Variants in CASTOR2 observed in about 807,000 individuals in gnomAD.
The protein encoded by CASTOR2 is GATS protein like 2.
A neutral mutation model predicts 31.2 loss-of-function variants in CASTOR2; 8 were observed. That is an observed-to-expected ratio of 0.26 (90% confidence interval 0.15 to 0.46). The LOEUF (loss-of-function observed/expected upper bound fraction) is 0.46, where lower values mean the gene tolerates loss of function less well. CASTOR2 is among the 20% of genes least tolerant of loss of function. CASTOR2 has a pLI of 0.99. For synonymous variants in CASTOR2, 162 were observed against 158.7 expected (o/e 1.02, Z -0.16); for missense variants, 216 against 382.1 (o/e 0.57, Z 3.62).
At chr7:74,989,263 CTTT>C (rs34799228) in intron 1 of CASTOR2, among the ~76,000 whole-genome samples, 134 of 145,184 alleles carry the variant, frequency 9.2e-4, no homozygotes, top group Middle Eastern at 3.6e-3. Context: ...CACGCCTGGC[CTTT>C]TTTTTTTTTT....
intron 1 of CASTOR2, among the ~76,000 whole-genome samples, chr7:74,985,292 A>G (rs1804035784): frequency 6.6e-6 from 1 of 151,922 alleles, no homozygotes; most frequent in East Asian, 1.9e-4. Context: ...CCCTTTCAAG[A>G]GTCACTGTCA....
chr7:75,009,555 A>AC (rs1554439144), intron 2 of CASTOR2, among the ~76,000 whole-genome samples: 1 of 151,966 alleles, frequency 6.6e-6, no homozygotes, highest in Non-Finnish European at 1.5e-5. Context: ...GGCGTGAGCC[A>AC]CCGCGCCCGG....
intron 1 of CASTOR2, among the ~76,000 whole-genome samples, chr7:74,997,737 GT>G (rs1249196075): frequency 6.7e-4 from 95 of 142,450 alleles, no homozygotes; most frequent in African/African-American, 9.7e-4. Flanking sequence ...AGGTGTTTTT[GT>G]TTTTTTTTTT....
In CASTOR2 at chr7:75,024,495, A is replaced by C; in HGVS notation, c.885A>C (p.Pro295=). 1 of 1,551,514 alleles carries C rather than the reference A, an allele frequency of 6.4e-7. No individual in the cohort carries two copies. The highest frequency in any genetic ancestry group is 1.2e-5 in the South Asian group (1 of 84,056). The change falls in exon 8 of 9, where the codon CCA becomes CCC. Residue 295 remains proline, a synonymous_variant. Transcript: ENST00000616305. ...AGCCCTTGGCTGCTGCAGACATCCC[A>C]GCCTACTACATCAGTACTTTCAAGT... ...ISEPLAAADI[P]AYYISTFKFD...
intron 1 of CASTOR2, among the ~76,000 whole-genome samples, chr7:74,999,773 A>G (rs1804450748): frequency 6.6e-6 from 1 of 151,904 alleles, no homozygotes; most frequent in East Asian, 1.9e-4. Flanking sequence ...GCACACCACC[A>G]TGCCCAGCTA....
chr7:75,019,892 T>G (rs919288769), intron 5 of CASTOR2, 147 bp from the exon 6 acceptor site: 3 of 691,792 alleles, frequency 4.3e-6, no homozygotes, highest in Non-Finnish European at 2.5e-6. Flanking sequence ...ATCATCCCCG[T>G]GGCATAGCGA....
rs1804452574 is a variant in CASTOR2, at chr7:74,999,851, G to C, written c.114-8143G>C. Among the ~76,000 whole-genome samples, 4 of 152,090 alleles carry C rather than the reference G, an allele frequency of 2.6e-5. No homozygotes were observed. In the South Asian group the frequency reaches 8.3e-4, roughly 32 times the overall value. On this transcript the variant is annotated intron_variant, in intron 1 of 8. Coordinates refer to ENST00000616305, the MANE Select transcript of CASTOR2 (RefSeq NM_001145064.3). ...GATGGTCTTGATCTCTTGACCTTGT[G>C]ATCCGCCTGCCTTGGCCTTCCAAAG...
chr7:75,017,441 CTG>C (rs1348047294), intron 2 of CASTOR2, among the ~76,000 whole-genome samples, 155 bp from the exon 3 acceptor site: 1 of 152,082 alleles, frequency 6.6e-6, no homozygotes, highest in Non-Finnish European at 1.5e-5. Context: ...CAGAGCAAGA[CTG>C]TCTCAAAAAA....
At chr7:75,005,903 G>A (rs1166306882) in intron 1 of CASTOR2, among the ~76,000 whole-genome samples, 22 of 152,336 alleles carry the variant, frequency 1.4e-4, no homozygotes, top group African/African-American at 4.8e-4. Flanking sequence ...GCTGAGGCGG[G>A]TGGATCACTT....
Position 74,988,198 on chromosome 7 carries a change from C to T in CASTOR2, c.114-19796C>T, listed in dbSNP as rs1303247281. Among the ~76,000 whole-genome samples, 9 of 125,960 alleles carry T rather than the reference C, an allele frequency of 7.1e-5. No homozygotes were observed. The South Asian group carries it at 2.0e-3, about 28-fold the overall frequency. The allele number at this position is 125,960 out of a possible 152,430, so 82.6% of individuals were successfully genotyped here. A position where few individuals can be genotyped will look rare whatever the true frequency, so the allele number is the denominator to read the frequency against. On this transcript the variant is annotated intron_variant, in intron 1 of 8. Transcript: ENST00000616305. ...AGGCTGGAGTTCAGTGGTGCCATCT[C>T]GGATCACTGCAATCTCTGCCTCCCG...
At chr7:74,988,062 T>G (rs35525401) in intron 1 of CASTOR2, among the ~76,000 whole-genome samples, 115,040 of 150,336 alleles carry the variant, frequency 0.77, 44,265 homozygotes, top group East Asian at 0.93. Context: ...GTTCTCACTC[T>G]TGGCCTCTGG....
intron 7 of CASTOR2, among the ~76,000 whole-genome samples, chr7:75,022,960 C>T (rs1805039870): frequency 6.6e-6 from 1 of 152,180 alleles, no homozygotes; most frequent in South Asian, 2.1e-4. Context: ...TGTCACATAT[C>T]TCCCAGAGAG....
Position 74,994,303 on chromosome 7 carries a change from G to A in CASTOR2, c.114-13691G>A, listed in dbSNP as rs587651092. 4.6e-5 allele frequency among the ~76,000 whole-genome samples: 7 copies of A among 152,312 alleles called. No individual in the cohort carries two copies. In the East Asian group the frequency reaches 1.2e-3, roughly 25 times the overall value. Reference sequence around the variant, plus strand: ...CTGGTGTGCAATTCTCTTTCACCCCGTCAGGGTGAGGGCACATGTCAACAA... The same window carrying A: ...CTGGTGTGCAATTCTCTTTCACCCCATCAGGGTGAGGGCACATGTCAACAA... On this transcript the variant is annotated intron_variant, in intron 1 of 8. Transcript: ENST00000616305.
At chr7:74,997,136 C>T (rs1296559075) in intron 1 of CASTOR2, among the ~76,000 whole-genome samples, 5 of 152,010 alleles carry the variant, frequency 3.3e-5, no homozygotes, top group Non-Finnish European at 1.5e-5. Flanking sequence ...TCACTGCAGC[C>T]TCGACCTCCT....
At position 74,966,766 on chromosome 7, in the gene CASTOR2, C is replaced by G. The variant is rs1803578740; in HGVS notation, c.113+1668C>G. 3.8e-5 allele frequency among the ~76,000 whole-genome samples: 2 copies of G among 52,120 alleles called. 1 individual carries two copies. Among genetic ancestry groups the G allele is most frequent in the Non-Finnish European group, 1.2e-4 (2 of 16,942 alleles). The allele number at this position is 52,120 out of a possible 152,430, so 34.2% of individuals were successfully genotyped here. The stretch of plus-strand genomic sequence containing the variant: ...TGCGGCTGTGCACAGGGCCTGGGTG[C>G]TGGAAGCGGGGGCATTTGGGGGCTT... On this transcript the variant is annotated intron_variant, in intron 1 of 8. Transcript: ENST00000616305.
rs1475888641 is a variant in CASTOR2 at position 75,030,717 on chromosome 7, AAC to A, written c.*6019_*6020del. On this transcript the variant is annotated 3_prime_UTR_variant, in exon 9 of 9. Coordinates refer to ENST00000616305, the MANE Select transcript of CASTOR2 (RefSeq NM_001145064.3). ...GATTCAAGGGCCCAGGGTAAAAGCC[AAC>A]GTGTTATTTTTATCCCTAGCCTCAG... Among the ~76,000 whole-genome samples, 14 of 152,144 alleles carry A rather than the reference AAC, an allele frequency of 9.2e-5. No homozygotes were observed. The East Asian group carries it at 2.7e-3, about 29-fold the overall frequency.
In CASTOR2 at chr7:74,984,441, C is replaced by A. The variant is rs1378915307; in HGVS notation, c.113+19343C>A. On this transcript the variant is annotated intron_variant, in intron 1 of 8. Coordinates refer to ENST00000616305, the MANE Select transcript of CASTOR2 (RefSeq NM_001145064.3). ...CTCGCCATGTGACCTACATGGGGTG[C>A]TCTCAGTAGAAATTGGGACCTGCCA... Among the ~76,000 whole-genome samples the A allele has an allele frequency of 7.0e-4, 106 of 152,248 alleles. 1 individual carries two copies. In the East Asian group the frequency reaches 0.014, roughly 20 times the overall value.
chr7:74,967,724 G>A (rs1284782586), intron 1 of CASTOR2, among the ~76,000 whole-genome samples: 1 of 61,498 alleles, frequency 1.6e-5, no homozygotes, highest in African/African-American at 6.7e-5. Context: ...GTGTGGAGAC[G>A]GGGCTTCTCC....
At chr7:75,020,650 T>C (rs926208567) in intron 6 of CASTOR2, among the ~76,000 whole-genome samples, 16 of 151,262 alleles carry the variant, frequency 1.1e-4, no homozygotes, top group Admixed American at 2.6e-4. Context: ...CCACCACGCC[T>C]GGCTAATTTT....
Sources: allele counts gnomAD v4.1 joint callset (sites outside exome capture counted in the v4.1 genomes callset), GRCh38; gene constraint gnomAD v4.1.1; transcripts MANE v1.5; gene names NCBI Gene and HGNC (gene_info 2026-07-23, HGNC 2026-07-21).